Variants in PMS2 observed in about 807,000 individuals in gnomAD.
PMS2 encodes the protein PMS1 homolog 2, mismatch repair system component, also known as mismatch repair endonuclease PMS2.
In PMS2, 69 loss-of-function variants were observed where a neutral mutation model predicts 90.0. The ratio of observed to expected loss-of-function variants is 0.77; its 90% CI spans 0.63 to 0.94. The LOEUF is 0.94. Ranked by LOEUF, PMS2 falls within the 40% of genes least tolerant of loss-of-function variation. The probability of loss-of-function intolerance (pLI) is 0.00; values close to 1 mark genes in which losing one functional copy is unlikely to be tolerated. For missense variants in PMS2, 966 were observed against 1,040.2 expected (o/e 0.93, Z 0.98); for synonymous variants, 332 against 375.1 (o/e 0.89, Z 1.33).
Position 5,997,414 on chromosome 7 carries a change from G to T in PMS2, c.715C>A (p.Leu239Ile). The T allele has an allele frequency of 2.6e-6, 4 of 1,564,340 alleles. No individual in the cohort carries two copies. Among genetic ancestry groups the T allele is most frequent in the Non-Finnish European group, 3.5e-6 (4 of 1,148,604 alleles). The stretch of plus-strand genomic sequence containing the variant: ...GGGGGCAGCTGAACAAAAGGAATGA[G>T]GCTTTGCAACTGAAAAAAAAAAAAA... Reference protein sequence around the residue: ...SVFGQKQLQSLIPFVQLPPSD... With the variant: ...SVFGQKQLQSIIPFVQLPPSD... The change falls in exon 7 of 15, where the codon CTC becomes ATC. Residue 239 changes from leucine (L) to isoleucine (I), a missense_variant. Coordinates refer to ENST00000265849, the MANE Select transcript of PMS2 (RefSeq NM_000535.7).
chr7:5,995,068 C>T (rs1398829513), intron 8 of PMS2, among the ~76,000 whole-genome samples: 2 of 152,006 alleles, frequency 1.3e-5, no homozygotes. Context: ...AACACAGTCT[C>T]GCTCTGTCAC....
chr7:5,991,937 A>T (rs2128754602), intron 9 of PMS2, 36 bp downstream of exon 9: 1 of 914,052 alleles, frequency 1.1e-6, no homozygotes, highest in Admixed American at 1.7e-5. Flanking sequence ...TTGAGGCATT[A>T]GTCACTAGTT....
At position 6,002,488 on chromosome 7, in the gene PMS2, C is replaced by T. The variant is rs762645507; in HGVS notation, c.502G>A (p.Val168Met). 1.1e-5 allele frequency: 18 copies of T among 1,611,528 alleles called. 1 individual carries two copies. Among genetic ancestry groups the T allele is most frequent in the Non-Finnish European group, 1.4e-5 (16 of 1,179,602 alleles). Residue 168 changes from valine to methionine, a missense_variant, in exon 5 of 15, where the codon GTG becomes ATG. Physicochemically the swap from Val to Met is conservative, Grantham distance 21. Around this residue, in one of 2 missense-constraint regions of PMS2, gnomAD observed 871 missense variants for 802.4 expected, o/e 1.09. Transcript: ENST00000265849. ...SVQQLFSTLP[V>M]RHKEFQRNIK... ...TTCCTTTGAAATTCCTTATGGCGCACAGGTAGTGTGGAAAATAACTGCTGC... is the reference window on the plus strand; with the variant it reads ...TTCCTTTGAAATTCCTTATGGCGCATAGGTAGTGTGGAAAATAACTGCTGC...
intron 8 of PMS2, among the ~76,000 whole-genome samples, chr7:5,994,446 G>C (rs560419922): frequency 6.6e-6 from 1 of 151,510 alleles, no homozygotes; most frequent in East Asian, 2.0e-4. Flanking sequence ...CTTAACTTAT[G>C]ATAGGGTTAT....
At chr7:5,981,320 T>G (rs1782260286) in intron 12 of PMS2, among the ~76,000 whole-genome samples, 1 of 149,704 alleles carries the variant, frequency 6.7e-6, no homozygotes, top group South Asian at 2.1e-4. Flanking sequence ...GGCACGATCA[T>G]GGCAGCCTCA....
intron 9 of PMS2, 37 bp from the exon 10 acceptor site, chr7:5,989,992 A>G: frequency 7.7e-7 from 1 of 1,296,112 alleles, no homozygotes; most frequent in Non-Finnish European, 1.1e-6. Context: ...TTATGTTTAA[A>G]TTCACTTTTA....
intron 6 of PMS2, among the ~76,000 whole-genome samples, chr7:5,997,969 A>G (rs1365991992): frequency 6.6e-6 from 1 of 151,976 alleles, no homozygotes; most frequent in Non-Finnish European, 1.5e-5. Flanking sequence ...ACAATAACTT[A>G]TATTTTTTTC....
At chr7:5,981,127 C>T (rs572832554) in intron 12 of PMS2, among the ~76,000 whole-genome samples, 7 of 152,046 alleles carry the variant, frequency 4.6e-5, no homozygotes, top group Non-Finnish European at 7.3e-5. Context: ...TACTATCACA[C>T]CTGACCTTTG....
At chr7:5,979,229 A>AT (rs1265480253) in intron 12 of PMS2, among the ~76,000 whole-genome samples, 1 of 135,730 alleles carries the variant, frequency 7.4e-6, no homozygotes, top group Non-Finnish European at 1.6e-5. Flanking sequence ...AAAAACACCC[A>AT]TAAAAACAAA....
rs1554298099 is a variant in PMS2 at position 5,987,627 on chromosome 7, A to C, written c.1145-7T>G. On this transcript the variant is annotated splice_region_variant and splice_polypyrimidine_tract_variant and intron_variant, in intron 10 of 14. Coordinates refer to ENST00000265849, the MANE Select transcript of PMS2 (RefSeq NM_000535.7). Reference sequence around the variant, plus strand: ...TGCATTTTTATTAAGTTACCTAAGCAAACGTGGACGGAGAAGAGGGTCAGG... The same window carrying C: ...TGCATTTTTATTAAGTTACCTAAGCCAACGTGGACGGAGAAGAGGGTCAGG... The C allele has an allele frequency of 6.4e-7, 1 of 1,572,984 alleles. No homozygotes were observed. The highest frequency in any genetic ancestry group is 8.7e-7 in the Non-Finnish European group (1 of 1,148,408).
At chr7:6,001,511 C>A (rs1171747885) in intron 5 of PMS2, among the ~76,000 whole-genome samples, 1 of 152,026 alleles carries the variant, frequency 6.6e-6, no homozygotes, top group African/African-American at 2.4e-5. Context: ...GCTGGGACTA[C>A]AGGCACATGC....
At chr7:5,990,102 G>T in intron 9 of PMS2, 147 bp from the exon 10 acceptor site, 1 of 489,526 alleles carries the variant, frequency 2.0e-6, no homozygotes, top group Non-Finnish European at 3.6e-6. Flanking sequence ...CCGCCTCCTG[G>T]GTTCAAGTGA....
chr7:6,003,434 CAT>C (rs1330272221), intron 4 of PMS2: 5 of 453,776 alleles, frequency 1.1e-5, no homozygotes, highest in Admixed American at 3.8e-5. Flanking sequence ...TTATTATCTA[CAT>C]GTTAGGTTAA....
At chr7:5,985,390 C>A (rs1782747971) in intron 11 of PMS2, among the ~76,000 whole-genome samples, 1 of 149,848 alleles carries the variant, frequency 6.7e-6, no homozygotes, top group Non-Finnish European at 1.5e-5. Context: ...ACAAGGTGTG[C>A]ACCACCATGT....
At chr7:6,008,417 G>C (rs1315128134) in intron 1 of PMS2, among the ~76,000 whole-genome samples, 1 of 151,930 alleles carries the variant, frequency 6.6e-6, no homozygotes, top group East Asian at 1.9e-4. Context: ...TGCAAATAAG[G>C]ATGTGTCTGG....
At chr7:5,995,480 C>G (rs2128773660) in intron 8 of PMS2, 54 bp downstream of exon 8, 1 of 1,094,986 alleles carries the variant, frequency 9.1e-7, no homozygotes, top group South Asian at 1.2e-5. Flanking sequence ...AAAAAGTTAT[C>G]AATTAAAAGT....
chr7:5,988,458 T>C (rs1783330014), intron 10 of PMS2, among the ~76,000 whole-genome samples: 1 of 151,594 alleles, frequency 6.6e-6, no homozygotes, highest in African/African-American at 2.4e-5. Context: ...CTAGGGAGAA[T>C]GAGAATGAGG....
At chr7:5,984,837 G>C (rs1782687520) in intron 11 of PMS2, among the ~76,000 whole-genome samples, 1 of 151,590 alleles carries the variant, frequency 6.6e-6, no homozygotes, top group African/African-American at 2.4e-5. Context: ...AAGTGCTCCA[G>C]GAAGACCCGG....
chr7:5,996,469 C>T (rs947029952), intron 7 of PMS2, among the ~76,000 whole-genome samples: 6 of 151,312 alleles, frequency 4.0e-5, no homozygotes, highest in East Asian at 3.9e-4. Flanking sequence ...GCAGGAGTAT[C>T]GCTTGAACCT....
Sources: gnomAD v4.1 joint callset for allele counts (sites outside exome capture counted in the v4.1 genomes callset) on GRCh38, gnomAD v4.1.1 for gene constraint, gnomAD v4.1.1 regional missense constraint, MANE v1.5 for transcripts, NCBI Gene and HGNC (gene_info 2026-07-23, HGNC 2026-07-21) for gene names.